Variants in DDX60 observed in about 807,000 individuals in gnomAD.
DDX60 encodes the protein probable ATP-dependent RNA helicase DDX60.
DDX60 carries 165 observed loss-of-function variants against 212.8 expected under a neutral mutation model. The ratio of observed to expected loss-of-function variants is 0.78; its 90% CI spans 0.68 to 0.88. The LOEUF (loss-of-function observed/expected upper bound fraction) is 0.88. DDX60 is among the 40% of genes least tolerant of loss of function. The pLI, the probability that DDX60 is intolerant of heterozygous loss-of-function variation, is 0.00. For synonymous variants in DDX60, 703 were observed against 685.3 expected, an observed-to-expected ratio of 1.03 and a Z score of -0.40; for missense variants, 1,905 against 2,003.9, an observed-to-expected ratio of 0.95 and a Z score of 0.94.
chr4:168,249,953 T>C (rs1478348175), intron 28 of DDX60, among the ~76,000 whole-genome samples: 2 of 152,194 alleles, frequency 1.3e-5, no homozygotes, highest in Non-Finnish European at 2.9e-5. Flanking sequence ...GAATGTAATA[T>C]ATGTCATACA....
chr4:168,262,572 G>C (rs1011292963), intron 23 of DDX60, 111 bp downstream of exon 23: 1 of 700,858 alleles, frequency 1.4e-6, no homozygotes, highest in African/African-American at 1.9e-5. Flanking sequence ...CTTATTGTAG[G>C]AAGAGTCAAC....
upstream of DDX60, among the ~76,000 whole-genome samples, chr4:168,320,466 T>A (rs1343631191): frequency 6.6e-6 from 1 of 152,068 alleles, no homozygotes; most frequent in East Asian, 1.9e-4. Context: ...GGAAACATTT[T>A]TTTTTTCTAG....
At position 168,284,918 on chromosome 4, in the gene DDX60, G is replaced by A. The variant is rs747551166; in HGVS notation, c.1463C>T (p.Thr488Ile). Residue 488 changes from threonine (T) to isoleucine (I), a missense_variant, in exon 12 of 38, where the codon ACT becomes ATT. Coordinates refer to ENST00000393743, the MANE Select transcript of DDX60 (RefSeq NM_017631.6). ...AAATTCCTTTTGTTTAACCAGTGAA[G>A]TAACAATAGGATCATCACTGTGAGA... ...PFLKSDDPIV[T>I]SLVKQKEFDE... 1 of 1,586,852 alleles carries A rather than the reference G, an allele frequency of 6.3e-7. No homozygotes were observed. Among genetic ancestry groups the A allele is most frequent in the South Asian group, 1.1e-5 (1 of 87,426 alleles).
chr4:168,242,214 C>A (rs1448351204), intron 30 of DDX60, among the ~76,000 whole-genome samples: 1 of 152,190 alleles, frequency 6.6e-6, no homozygotes, highest in Admixed American at 6.5e-5. Flanking sequence ...TCATGGAGAA[C>A]CTCTGCTAGG....
At chr4:168,258,808 C>A (rs1341667459) in intron 25 of DDX60, among the ~76,000 whole-genome samples, 2 of 152,094 alleles carry the variant, frequency 1.3e-5, no homozygotes, top group Non-Finnish European at 2.9e-5. Flanking sequence ...TCACTCTGAT[C>A]TTCTTTCTTT....
In DDX60 at chr4:168,274,003, G is replaced by A; in HGVS notation, c.2385C>T (p.Ser795=). The A allele has an allele frequency of 6.2e-7, 1 of 1,614,198 alleles. No homozygotes were observed. Among genetic ancestry groups the A allele is most frequent in the Non-Finnish European group, 8.5e-7 (1 of 1,180,020 alleles). ...APTSSGKTYA[S]YYCMEKVLKE... Reference sequence around the variant, plus strand: ...TCAGCACTTTCTCCATACAGTAGTAGGAGGCATAGGTTTTGCCTGAGGACG... The same window carrying A: ...TCAGCACTTTCTCCATACAGTAGTAAGAGGCATAGGTTTTGCCTGAGGACG... The change falls in exon 17 of 38, where the codon TCC becomes TCT. Residue 795 remains serine (S), a synonymous_variant. Transcript: ENST00000393743.
At chr4:168,223,219 G>A (rs767142392) in intron 35 of DDX60, among the ~76,000 whole-genome samples, 12 of 151,958 alleles carry the variant, frequency 7.9e-5, no homozygotes, top group Non-Finnish European at 1.3e-4. Flanking sequence ...CATTTAGTTC[G>A]ATGCTTTAGA....
rs377640544 is a variant in DDX60, at chr4:168,263,469, T to C, written c.3040-682A>G. 4 of 152,332 alleles carry C rather than the reference T, an allele frequency of 2.6e-5. No homozygotes were observed. The East Asian group carries it at 7.7e-4, about 29-fold the overall frequency. 9.4% of individuals were successfully genotyped at this position (152,332 alleles called of 1,614,324 possible). On this transcript the variant is annotated intron_variant, in intron 22 of 37. Transcript: ENST00000393743. ...ATCATTTGCATGTAGAAACATACTCTCTGAGATGTTAATAGGAATGTAGTA... is the reference window on the plus strand; with the variant it reads ...ATCATTTGCATGTAGAAACATACTCCCTGAGATGTTAATAGGAATGTAGTA...
chr4:168,317,387 A>G (rs1240989331), intron 1 of DDX60, among the ~76,000 whole-genome samples: 1 of 152,140 alleles, frequency 6.6e-6, no homozygotes, highest in East Asian at 1.9e-4. Context: ...CTTAAAAAGG[A>G]AGAAGAAAAG....
chr4:168,266,052 T>C (rs1167929255), intron 22 of DDX60, among the ~76,000 whole-genome samples: 1 of 152,168 alleles, frequency 6.6e-6, no homozygotes, highest in African/African-American at 2.4e-5. Flanking sequence ...AAGAGATAAG[T>C]TCCCATAACA....
At chr4:168,258,381 G>A (rs188974537) in intron 25 of DDX60, among the ~76,000 whole-genome samples, 131 of 152,288 alleles carry the variant, frequency 8.6e-4, no homozygotes, top group Middle Eastern at 6.8e-3. Flanking sequence ...TGGCCATGAA[G>A]TGTGTGCCCT....
In DDX60 at chr4:168,236,304, C is replaced by T. The variant is rs1560817465; in HGVS notation, c.4481G>A (p.Arg1494Lys). The T allele has an allele frequency of 5.6e-6, 9 of 1,610,624 alleles. No homozygotes were observed. The highest frequency in any genetic ancestry group is 7.6e-6 in the Non-Finnish European group (9 of 1,178,046). The change falls in exon 33 of 38, where the codon AGA becomes AAA. Residue 1494 changes from arginine to lysine, a missense_variant. Physicochemically the swap from Arg to Lys is conservative, Grantham distance 26. Coordinates refer to ENST00000393743, the MANE Select transcript of DDX60 (RefSeq NM_017631.6). ...ATCTTGGAACTTTGGTGGAAAATAT[C>T]TTCTTCCAAAGAGATGTGCCAATAC... is the stretch of plus-strand genomic sequence containing the variant. ...VLVLAHLFGRRYFPPKFQDAH... is the reference protein window; with the variant it reads ...VLVLAHLFGRKYFPPKFQDAH...
intron 5 of DDX60, among the ~76,000 whole-genome samples, chr4:168,305,571 C>T: frequency 6.8e-6 from 1 of 147,926 alleles, no homozygotes; most frequent in East Asian, 2.0e-4. Flanking sequence ...CTATATGGTA[C>T]CGTATTGTCT....
At chr4:168,272,006 A>T (rs1320398809) in intron 19 of DDX60, 37 bp downstream of exon 19, 2 of 1,434,228 alleles carry the variant, frequency 1.4e-6, no homozygotes, top group South Asian at 2.4e-5. Flanking sequence ...GCAAGTGTGC[A>T]CTAGGGAATT....
the DDX60 span, among the ~76,000 whole-genome samples, chr4:168,324,250 T>C: frequency 1.3e-5 from 2 of 152,162 alleles, no homozygotes; most frequent in Admixed American, 6.5e-5. Context: ...TGTGAGAGCC[T>C]CTGTTTTCAA....
At chr4:168,224,217 A>G in intron 35 of DDX60, 26 bp downstream of exon 35, 1 of 1,610,650 alleles carries the variant, frequency 6.2e-7, no homozygotes, top group East Asian at 2.2e-5. Flanking sequence ...AACAGCTTTT[A>G]TTAATAAACC....
chr4:168,242,354 C>T lies in DDX60; in HGVS notation c.4164+4064G>A, dbSNP rs575622805. Among the ~76,000 whole-genome samples the T allele has an allele frequency of 6.6e-5, 10 of 152,286 alleles. No individual in the cohort carries two copies. The East Asian group carries it at 9.7e-4, about 15-fold the overall frequency. ...GAATGACACATCCACTGACAGCTTG[C>T]GCTGTGTGCCCGGAAAAGCCACAGA... On this transcript the variant is annotated intron_variant, in intron 30 of 37. Coordinates refer to ENST00000393743, the MANE Select transcript of DDX60 (RefSeq NM_017631.6).
chr4:168,275,753 A>G (rs1458599958), intron 15 of DDX60, among the ~76,000 whole-genome samples: 1 of 152,122 alleles, frequency 6.6e-6, no homozygotes, highest in African/African-American at 2.4e-5. Context: ...TAGTTTTGAG[A>G]TGTTTTGCTA....
At chr4:168,322,235 A>C (rs1241207911), upstream of DDX60, among the ~76,000 whole-genome samples, 1 of 152,108 alleles carries the variant, frequency 6.6e-6, no homozygotes, top group Non-Finnish European at 1.5e-5. Context: ...TTCAGTTACA[A>C]TCTTCTCCTT....
Sources: allele counts gnomAD v4.1 joint callset (sites outside exome capture counted in the v4.1 genomes callset), GRCh38; gene constraint gnomAD v4.1.1; transcripts MANE v1.5; gene names NCBI Gene and HGNC (gene_info 2026-07-23, HGNC 2026-07-21).